Variants in FGD6 observed in about 807,000 individuals in gnomAD.
The protein encoded by FGD6 is FYVE, RhoGEF and PH domain-containing protein 6.
In FGD6, 90 loss-of-function variants were observed where a neutral mutation model predicts 149.4. That is an observed-to-expected ratio of 0.60 (90% CI 0.51 to 0.72). FGD6 has a LOEUF of 0.72. Among genes scored for constraint, FGD6 ranks in the 30% least tolerant of loss-of-function variants. The probability of loss-of-function intolerance (pLI) is 0.00; values close to 1 mark genes in which losing one functional copy is unlikely to be tolerated. For missense variants in FGD6, 1,437 were observed against 1,684.8 expected, an observed-to-expected ratio of 0.85 and a Z score of 2.57; for synonymous variants, 527 against 584.0, an observed-to-expected ratio of 0.90 and a Z score of 1.41.
chr12:95,122,668 A>AAAC (rs1879226610), intron 8 of FGD6, among the ~76,000 whole-genome samples: 1 of 150,884 alleles, frequency 6.6e-6, no homozygotes, highest in Non-Finnish European at 1.5e-5. Flanking sequence ...AAAAAAAAAA[A>AAAC]AGGCTCTGGC....
At position 95,209,176 on chromosome 12, in the gene FGD6, T is replaced by C. The variant is rs2056708985; in HGVS notation, c.2108A>G (p.Lys703Arg). 1.2e-6 allele frequency: 2 copies of C among 1,614,190 alleles called. No homozygotes were observed. Among genetic ancestry groups the C allele is most frequent in the Non-Finnish European group, 1.7e-6 (2 of 1,180,038 alleles). The change falls in exon 2 of 21, where the codon AAG (lysine) becomes AGG (arginine). Residue 703 changes from lysine to arginine, a missense_variant. Physicochemically the swap from Lys to Arg is conservative, Grantham distance 26. Around this residue, in one of 2 missense-constraint regions of FGD6, gnomAD observed 1,055 missense variants for 1,146.0 expected, o/e 0.92. Coordinates refer to ENST00000343958, the MANE Select transcript of FGD6 (RefSeq NM_018351.4). ...GGTCTGGCCCCGAGACTTCTTCCTC[T>C]TCTTTTGAGATTCCAGGCTATAGTT... ...TENYSLESQKKRKKSRGQTSA... is the reference protein window; with the variant it reads ...TENYSLESQKRRKKSRGQTSA...
At chr12:95,123,764 G>A (rs1194959898) in intron 8 of FGD6, among the ~76,000 whole-genome samples, 11 of 151,912 alleles carry the variant, frequency 7.2e-5, no homozygotes, top group Non-Finnish European at 8.8e-5. Context: ...GGGTTTCACC[G>A]TGTTATTCAG....
chr12:95,199,025 G>A (rs543873673), intron 2 of FGD6, among the ~76,000 whole-genome samples: 11 of 152,260 alleles, frequency 7.2e-5, no homozygotes, highest in East Asian at 5.8e-4. Flanking sequence ...TCCTCACAGC[G>A]GTAACAACAC....
chr12:95,210,863 T>A lies in FGD6; in HGVS notation c.421A>T (p.Asn141Tyr). 3 of 1,610,544 alleles carry A rather than the reference T, an allele frequency of 1.9e-6. No individual in the cohort carries two copies. The highest frequency in any genetic ancestry group is 2.5e-6 in the Non-Finnish European group (3 of 1,179,224). ...TCATCAATTTTACTGTTTTCTAAATTTTCATTCATTTCCAGGGGCTCTAAA... is the reference window on the plus strand; with the variant it reads ...TCATCAATTTTACTGTTTTCTAAATATTCATTCATTTCCAGGGGCTCTAAA... ...LVLEPLEMNE[N>Y]LENSKIDETL... The change falls in exon 2 of 21, where the codon AAT (asparagine) becomes TAT (tyrosine). Residue 141 changes from asparagine to tyrosine, a missense_variant. Physicochemically the swap from Asn to Tyr is moderately radical, Grantham distance 143 (BLOSUM62 -2). Coordinates refer to ENST00000343958, the MANE Select transcript of FGD6 (RefSeq NM_018351.4).
At chr12:95,089,466 G>C (rs939749645) in intron 18 of FGD6, 103 bp downstream of exon 18, 1 of 1,386,252 alleles carries the variant, frequency 7.2e-7, no homozygotes, top group African/African-American at 1.4e-5. Flanking sequence ...TGACTTAATA[G>C]TTGTGGGAAA....
chr12:95,100,072 C>A (rs1565895552), intron 14 of FGD6, among the ~76,000 whole-genome samples: 1 of 126,886 alleles, frequency 7.9e-6, no homozygotes, highest in Non-Finnish European at 1.6e-5. Context: ...CCCCCCCACC[C>A]CATATAAGTT....
intron 2 of FGD6, among the ~76,000 whole-genome samples, chr12:95,187,579 G>C (rs1406622008): frequency 1.3e-5 from 2 of 151,656 alleles, no homozygotes; most frequent in African/African-American, 2.4e-5. Context: ...CTTGAACCTG[G>C]GAGGCGGAGG....
At chr12:95,092,571 CA>C in intron 16 of FGD6, 127 bp downstream of exon 16, 1 of 984,920 alleles carries the variant, frequency 1.0e-6, no homozygotes, top group Non-Finnish European at 1.4e-6. Flanking sequence ...CTACCATTAA[CA>C]TAATAATAAT....
At chr12:95,192,602 C>G (rs1247114741) in intron 2 of FGD6, among the ~76,000 whole-genome samples, 3 of 152,088 alleles carry the variant, frequency 2.0e-5, no homozygotes, top group Admixed American at 6.6e-5. Flanking sequence ...AGGCTGTTTT[C>G]TAGTAGGAGA....
At position 95,211,366 on chromosome 12, in the gene FGD6, C is replaced by T. The variant is rs182314337; in HGVS notation, c.17-99G>A. The T allele has an allele frequency of 4.3e-4, 609 of 1,406,108 alleles. 4 individuals are homozygous for T. The African/African-American group carries it at 8.2e-3, about 19-fold the overall frequency. The allele number at this position is 1,406,108 out of a possible 1,614,324, so 87.1% of individuals were successfully genotyped here. A position where few individuals can be genotyped will look rare whatever the true frequency, so the allele number is the denominator to read the frequency against. ...CATTTTTTATTTTTAACAATATGAC[C>T]TTGCCTTTTACTGAGTATGTTACAT... is the stretch of plus-strand genomic sequence containing the variant. On this transcript the variant is annotated intron_variant, in intron 1 of 20. Transcript: ENST00000343958.
At chr12:95,140,674 C>G (rs1879816301) in intron 6 of FGD6, among the ~76,000 whole-genome samples, 1 of 152,120 alleles carries the variant, frequency 6.6e-6, no homozygotes, top group South Asian at 2.1e-4. Flanking sequence ...CAGTGAACGG[C>G]CTCTTTTTCA....
intron 18 of FGD6, among the ~76,000 whole-genome samples, chr12:95,086,566 G>C (rs1269875520): frequency 3.3e-5 from 4 of 121,684 alleles, no homozygotes; most frequent in Non-Finnish European, 4.9e-5. Context: ...TTGAGACTGA[G>C]TCTTGCTCTG....
At position 95,079,543 on chromosome 12, in the gene FGD6, T is replaced by G. The variant is rs777092503; in HGVS notation, c.*1977A>C. 1 of 152,192 alleles carries G rather than the reference T, an allele frequency of 6.6e-6. No individual in the cohort carries two copies. Among genetic ancestry groups the G allele is most frequent in the Non-Finnish European group, 1.5e-5 (1 of 68,036 alleles). The allele number at this position is 152,192 out of a possible 1,614,324, so 9.4% of individuals were successfully genotyped here. A position where few individuals can be genotyped will look rare whatever the true frequency, so the allele number is the denominator to read the frequency against. On this transcript the variant is annotated 3_prime_UTR_variant, in exon 21 of 21. Transcript: ENST00000343958. ...CTAAATGCCAGACGCAGAAACAGTTTATAAGGTACAACTTTAGCCTCCAAA... is the reference window on the plus strand; with the variant it reads ...CTAAATGCCAGACGCAGAAACAGTTGATAAGGTACAACTTTAGCCTCCAAA...
intron 2 of FGD6, among the ~76,000 whole-genome samples, chr12:95,188,793 A>G (rs1478503810): frequency 1.4e-5 from 2 of 146,906 alleles, no homozygotes; most frequent in African/African-American, 5.2e-5. Context: ...AGTATTCCTT[A>G]AAAACAACTT....
chr12:95,116,674 G>A (rs984989041), intron 8 of FGD6, among the ~76,000 whole-genome samples: 61 of 152,102 alleles, frequency 4.0e-4, no homozygotes, highest in African/African-American at 1.3e-3. Flanking sequence ...AGGAAGTAAC[G>A]GAGTTAGGTT....
chr12:95,212,171 G>A (rs2056730910), intron 1 of FGD6, among the ~76,000 whole-genome samples: 1 of 151,966 alleles, frequency 6.6e-6, no homozygotes, highest in South Asian at 2.1e-4. Context: ...ATTCCTTCAC[G>A]GAGCTCTATT....
chr12:95,204,729 C>T (rs562684583), intron 2 of FGD6, among the ~76,000 whole-genome samples: 2 of 152,290 alleles, frequency 1.3e-5, no homozygotes, highest in East Asian at 3.9e-4. Context: ...CACACACATA[C>T]ACAGTCAGAG....
At chr12:95,101,571 T>C (rs1878432607) in intron 14 of FGD6, among the ~76,000 whole-genome samples, 1 of 152,202 alleles carries the variant, frequency 6.6e-6, no homozygotes, top group African/African-American at 2.4e-5. Context: ...TTGACTTTTC[T>C]ATAGGCATTT....
chr12:95,141,820 G>A (rs899892132), intron 5 of FGD6, among the ~76,000 whole-genome samples: 3 of 152,124 alleles, frequency 2.0e-5, no homozygotes, highest in African/African-American at 4.8e-5. Context: ...TATACTAAGC[G>A]AGTGTCTGGA....
Sources: gnomAD v4.1 joint callset for allele counts (sites outside exome capture counted in the v4.1 genomes callset) on GRCh38, gnomAD v4.1.1 for gene constraint, gnomAD v4.1.1 regional missense constraint, MANE v1.5 for transcripts, NCBI Gene and HGNC (gene_info 2026-07-23, HGNC 2026-07-21) for gene names.